Variants in FAM83B observed in about 807,000 individuals in gnomAD.
FAM83B encodes the protein scaffolding CK1 anchoring protein B.
FAM83B carries 26 observed loss-of-function variants against 38.8 expected under a neutral mutation model. The observed-to-expected ratio is 0.67, with a 90% CI of 0.49 to 0.93. FAM83B has a LOEUF of 0.93. Among genes scored for constraint, FAM83B ranks in the 40% least tolerant of loss-of-function variants. The pLI, the probability that FAM83B is intolerant of heterozygous loss-of-function variation, is 0.00. For missense variants in FAM83B, 1,237 were observed against 1,197.3 expected, an observed-to-expected ratio of 1.03 and a Z score of -0.49; for synonymous variants, 419 against 423.1, an observed-to-expected ratio of 0.99 and a Z score of 0.12.
At chr6:54,852,482 C>G (rs1277283398) in intron 1 of FAM83B, among the ~76,000 whole-genome samples, 1 of 152,180 alleles carries the variant, frequency 6.6e-6, no homozygotes. Context: ...TCTGACTGCT[C>G]CACCAACTGG....
At chr6:54,859,177 G>A (rs1017821507) in intron 1 of FAM83B, among the ~76,000 whole-genome samples, 1 of 151,622 alleles carries the variant, frequency 6.6e-6, no homozygotes, top group Non-Finnish European at 1.5e-5. Context: ...TCTCCCTGCC[G>A]CAGCCTCCTG....
chr6:54,879,631 G>C (rs1310021638), intron 2 of FAM83B, among the ~76,000 whole-genome samples: 1 of 152,148 alleles, frequency 6.6e-6, no homozygotes, highest in Non-Finnish European at 1.5e-5. Context: ...GGAAAAAAAG[G>C]AAAGCAGAGT....
chr6:54,853,992 AG>A (rs1395624734), intron 1 of FAM83B, among the ~76,000 whole-genome samples: 2 of 152,216 alleles, frequency 1.3e-5, no homozygotes, highest in African/African-American at 4.8e-5. Context: ...TAACTCTTGT[AG>A]ATGTCTTAGA....
At chr6:54,884,406 TG>T (rs999009583) in intron 2 of FAM83B, among the ~76,000 whole-genome samples, 78 of 143,908 alleles carry the variant, frequency 5.4e-4, no homozygotes, top group African/African-American at 2.0e-3. Context: ...TGCTTGAACC[TG>T]GGGGGCGGAG....
At chr6:54,899,042 T>C (rs1018656819) in intron 2 of FAM83B, among the ~76,000 whole-genome samples, 1 of 152,206 alleles carries the variant, frequency 6.6e-6, no homozygotes, top group Non-Finnish European at 1.5e-5. Flanking sequence ...TGCCTGTTGC[T>C]CCAGCTAGAC....
chr6:54,859,606 T>TGGG (rs1371225196), intron 1 of FAM83B, among the ~76,000 whole-genome samples: 1 of 152,198 alleles, frequency 6.6e-6, no homozygotes, highest in Non-Finnish European at 1.5e-5. Flanking sequence ...TAGCATGTGT[T>TGGG]AGGGATTACT....
At chr6:54,915,831 A>G (rs994750642) in intron 2 of FAM83B, among the ~76,000 whole-genome samples, 1 of 150,448 alleles carries the variant, frequency 6.6e-6, no homozygotes, top group Non-Finnish European at 1.5e-5. Context: ...AAAAAAAAAA[A>G]AAAAAAGAAA....
At chr6:54,881,705 A>G (rs1314267786) in intron 2 of FAM83B, among the ~76,000 whole-genome samples, 5 of 152,174 alleles carry the variant, frequency 3.3e-5, no homozygotes, top group African/African-American at 1.2e-4. Flanking sequence ...AAAGTCACCC[A>G]TTTGGTGACC....
At chr6:54,880,368 A>G (rs1376895109) in intron 2 of FAM83B, among the ~76,000 whole-genome samples, 1 of 152,190 alleles carries the variant, frequency 6.6e-6, no homozygotes, top group Non-Finnish European at 1.5e-5. Context: ...AATATGATAC[A>G]GATAAAATAC....
chr6:54,853,160 A>G (rs978192626), intron 1 of FAM83B, among the ~76,000 whole-genome samples: 31 of 152,326 alleles, frequency 2.0e-4, no homozygotes, highest in African/African-American at 6.5e-4. Context: ...GGAGAAAGGT[A>G]TGAAACTAGC....
chr6:54,933,735 A>T (rs239786), intron 4 of FAM83B, among the ~76,000 whole-genome samples: 11,002 of 152,174 alleles, frequency 0.072, 509 homozygotes, highest in African/African-American at 0.11. Context: ...ATGGAACTGC[A>T]GGTTTAACAT....
intron 2 of FAM83B, among the ~76,000 whole-genome samples, chr6:54,925,388 C>G (rs906769314): frequency 2.0e-5 from 3 of 152,000 alleles, no homozygotes; most frequent in African/African-American, 4.8e-5. Flanking sequence ...CTTGCATGGC[C>G]CATAGTAGGT....
At chr6:54,900,795 T>A in intron 2 of FAM83B, among the ~76,000 whole-genome samples, 1 of 152,096 alleles carries the variant, frequency 6.6e-6, no homozygotes, top group Non-Finnish European at 1.5e-5. Flanking sequence ...AAGTGAGAAA[T>A]GCCAAAACTG....
At chr6:54,919,837 A>G (rs1773131345) in intron 2 of FAM83B, among the ~76,000 whole-genome samples, 1 of 151,906 alleles carries the variant, frequency 6.6e-6, no homozygotes, top group South Asian at 2.1e-4. Context: ...GTTATTGAAA[A>G]CATAGACTTT....
chr6:54,925,516 A>T (rs961049839), intron 2 of FAM83B, among the ~76,000 whole-genome samples: 2 of 152,060 alleles, frequency 1.3e-5, no homozygotes, highest in Admixed American at 1.3e-4. Flanking sequence ...CATCTTAGGG[A>T]CCTGTTCTTT....
At chr6:54,885,170 A>T (rs79316732) in intron 2 of FAM83B, among the ~76,000 whole-genome samples, 1 of 152,126 alleles carries the variant, frequency 6.6e-6, no homozygotes, top group Non-Finnish European at 1.5e-5. Context: ...CAAAAAAAAA[A>T]TAATGTTGGG....
intron 2 of FAM83B, among the ~76,000 whole-genome samples, chr6:54,882,044 G>C (rs955632974): frequency 2.0e-5 from 3 of 152,174 alleles, no homozygotes; most frequent in African/African-American, 7.2e-5. Flanking sequence ...ATAGTTTGCT[G>C]AGAATGATGG....
intron 1 of FAM83B, among the ~76,000 whole-genome samples, chr6:54,859,918 T>TA (rs1229007109): frequency 1.3e-5 from 2 of 152,148 alleles, no homozygotes; most frequent in Non-Finnish European, 2.9e-5. Flanking sequence ...GTACTTCTTT[T>TA]AAAAAATCTT....
chr6:54,926,978 C>A (rs1773304177), intron 3 of FAM83B, among the ~76,000 whole-genome samples: 1 of 152,088 alleles, frequency 6.6e-6, no homozygotes, highest in South Asian at 2.1e-4. Flanking sequence ...CGTGATCCAC[C>A]CAAAGTGGCC....
Sources: gnomAD v4.1 joint callset for allele counts (sites outside exome capture counted in the v4.1 genomes callset) on GRCh38, gnomAD v4.1.1 for gene constraint, MANE v1.5 for transcripts, NCBI Gene and HGNC (gene_info 2026-07-23, HGNC 2026-07-21) for gene names.